SCARB2: variants seen among roughly 807,000 people sequenced by gnomAD.
The protein encoded by SCARB2 is lysosome membrane protein 2.
Under a neutral mutation model 58.6 loss-of-function variants are expected in SCARB2, and 29 were observed. The ratio of observed to expected loss-of-function variants is 0.49; its 90% confidence interval spans 0.37 to 0.67. SCARB2 has a LOEUF of 0.67. SCARB2 is among the 30% of genes least tolerant of loss of function. SCARB2 has a pLI of 0.00. For synonymous variants in SCARB2, 195 were observed against 210.1 expected, an observed-to-expected ratio of 0.93 and a Z score of 0.62; for missense variants, 488 against 578.5, an observed-to-expected ratio of 0.84 and a Z score of 1.60.
chr4:76,214,612 T>G (rs1476477507), upstream of SCARB2, among the ~76,000 whole-genome samples: 1 of 152,182 alleles, frequency 6.6e-6, no homozygotes, highest in Non-Finnish European at 1.5e-5. Flanking sequence ...AAAGCAGGCA[T>G]CGCTGGTGTT....
chr4:76,211,750 T>C (rs1311217785), intron 1 of SCARB2, among the ~76,000 whole-genome samples: 1 of 152,200 alleles, frequency 6.6e-6, no homozygotes, highest in Non-Finnish European at 1.5e-5. Context: ...AATAGCGATG[T>C]GTGACTTACC....
At chr4:76,196,727 C>T (rs898833101) in intron 1 of SCARB2, among the ~76,000 whole-genome samples, 3 of 152,188 alleles carry the variant, frequency 2.0e-5, no homozygotes, top group African/African-American at 4.8e-5. Flanking sequence ...TGCCTATCCC[C>T]GTTTCAAAAA....
intron 10 of SCARB2, chr4:76,165,727 T>C (rs1202695091): frequency 2.6e-5 from 4 of 153,054 alleles, no homozygotes; most frequent in South Asian, 2.1e-4. Context: ...AAGGAGAAGT[T>C]TGCCAATCAA....
intron 1 of SCARB2, among the ~76,000 whole-genome samples, chr4:76,201,179 G>A (rs777310622): frequency 2.0e-5 from 3 of 152,072 alleles, no homozygotes; most frequent in Admixed American, 6.6e-5. Flanking sequence ...GTCACTCACC[G>A]CCCTTCACCC....
intron 10 of SCARB2, chr4:76,164,093 C>T (rs957169338): frequency 2.6e-5 from 4 of 153,850 alleles, no homozygotes; most frequent in Non-Finnish European, 5.8e-5. Context: ...AGGAAATGTA[C>T]TAGAATAACA....
chr4:76,215,323 G>A (rs1445955076), upstream of SCARB2, among the ~76,000 whole-genome samples: 1 of 152,208 alleles, frequency 6.6e-6, no homozygotes, highest in Admixed American at 6.5e-5. Context: ...TGGTTGCTGA[G>A]TGGTGGATCC....
At chr4:76,179,030 T>A (rs764321199) in intron 4 of SCARB2, 26 of 147,424 alleles carry the variant, frequency 1.8e-4, no homozygotes, top group Non-Finnish European at 2.8e-4. Flanking sequence ...CACTCCAGGG[T>A]TTTTGTTTTT....
At chr4:76,229,490 G>A (rs530409438) in intron 1 of SCARB2, among the ~76,000 whole-genome samples, 13 of 152,298 alleles carry the variant, frequency 8.5e-5, no homozygotes, top group South Asian at 2.1e-4. Context: ...GGAAAAAGCT[G>A]GAACTCAAGG....
intron 1 of SCARB2, among the ~76,000 whole-genome samples, chr4:76,208,025 T>G (rs1316926908): frequency 6.6e-6 from 1 of 152,212 alleles, no homozygotes; most frequent in African/African-American, 2.4e-5. Context: ...AAATGCATAT[T>G]CCCAAAATTG....
rs755676808 is a variant in SCARB2, at chr4:76,169,962, G to A, written c.1018C>T (p.Pro340Ser). ...CTCTCATCTGCTTGGTAAAAGTGTG[G>A]GAAAGACATAATGATGGGTGCACCT... Reference protein sequence around the residue: ...KNGAPIIMSFPHFYQADERFV... With the variant: ...KNGAPIIMSFSHFYQADERFV... Residue 340 changes from proline to serine, a missense_variant, in exon 8 of 12, where the codon CCA (proline) becomes TCA (serine). By Grantham distance (74) the Pro-to-Ser change is moderately conservative (BLOSUM62 -1). Transcript: ENST00000264896. The A allele has an allele frequency of 3.1e-6, 5 of 1,613,844 alleles. No individual in the cohort carries two copies. Among genetic ancestry groups the A allele is most frequent in the Non-Finnish European group, 3.4e-6 (4 of 1,179,864 alleles).
At position 76,160,398 on chromosome 4, in the gene SCARB2, T is replaced by C. The variant is rs1731871811; in HGVS notation, c.*1315A>G. ...AATGCCCTTAAATATGCTTGAATTC[T>C]GAACACTGTGACATATGATGGCTCC... On this transcript the variant is annotated 3_prime_UTR_variant, in exon 12 of 12. Coordinates refer to ENST00000264896, the MANE Select transcript of SCARB2 (RefSeq NM_005506.4). 1 of 152,252 alleles carries C rather than the reference T, an allele frequency of 6.6e-6. No individual in the cohort carries two copies. The highest frequency in any genetic ancestry group is 2.4e-5 in the African/African-American group (1 of 41,472). The allele number at this position is 152,252 out of a possible 1,614,324, so 9.4% of individuals were successfully genotyped here.
At chr4:76,223,799 C>T (rs1358958889) in intron 1 of SCARB2, among the ~76,000 whole-genome samples, 2 of 152,150 alleles carry the variant, frequency 1.3e-5, no homozygotes, top group African/African-American at 2.4e-5. Context: ...TTGGACTCTC[C>T]ACTCTCCACC....
chr4:76,175,643 C>T (rs1179258685), intron 6 of SCARB2, 148 bp downstream of exon 6: 1 of 927,240 alleles, frequency 1.1e-6, no homozygotes, highest in Non-Finnish European at 1.7e-6. Flanking sequence ...GTACACTATA[C>T]TGTCTCGATG....
intron 2 of SCARB2, among the ~76,000 whole-genome samples, chr4:76,185,346 A>C (rs1326109991): frequency 6.6e-6 from 1 of 152,232 alleles, no homozygotes; most frequent in Non-Finnish European, 1.5e-5. Flanking sequence ...AGTTTGAAAA[A>C]ACAAAACAAA....
intron 2 of SCARB2, among the ~76,000 whole-genome samples, chr4:76,181,537 C>A (rs1732385762): frequency 6.6e-6 from 1 of 152,012 alleles, no homozygotes; most frequent in Non-Finnish European, 1.5e-5. Flanking sequence ...AAAAATAATG[C>A]CCAAGGCTTA....
At chr4:76,162,033 C>T (rs1731910408) in intron 11 of SCARB2, 1 of 504,220 alleles carries the variant, frequency 2.0e-6, no homozygotes, top group South Asian at 2.2e-5. Flanking sequence ...TTCAACTTGC[C>T]TCCTTCCTGG....
intron 9 of SCARB2, among the ~76,000 whole-genome samples, chr4:76,167,387 C>A (rs998069211): frequency 2.6e-5 from 4 of 152,048 alleles, no homozygotes; most frequent in Admixed American, 2.0e-4. Context: ...AATGGTTTAG[C>A]ACCATTCGCT....
chr4:76,222,925 G>T (rs1179530560), intron 1 of SCARB2, among the ~76,000 whole-genome samples: 1 of 152,256 alleles, frequency 6.6e-6, no homozygotes, highest in East Asian at 1.9e-4. Flanking sequence ...AGGCAGGGGG[G>T]GAAGAGGCCC....
intron 1 of SCARB2, among the ~76,000 whole-genome samples, chr4:76,233,590 A>G (rs528578883): frequency 0.017 from 2,530 of 150,666 alleles, 82 homozygotes; most frequent in African/African-American, 0.058. Flanking sequence ...ACACACGCAC[A>G]CACACACACA....
Sources: gnomAD v4.1 joint callset for allele counts (sites outside exome capture counted in the v4.1 genomes callset) on GRCh38, gnomAD v4.1.1 for gene constraint, MANE v1.5 for transcripts, NCBI Gene and HGNC (gene_info 2026-07-23, HGNC 2026-07-21) for gene names.